The following FRMD4A variants were observed in gnomAD, a reference collection of about 807,000 sequenced individuals.
The protein encoded by FRMD4A is FERM domain-containing protein 4A.
Under a neutral mutation model 129.1 loss-of-function variants are expected in FRMD4A, and 29 were observed. The ratio of observed to expected loss-of-function variants is 0.22; its 90% CI spans 0.17 to 0.31. The LOEUF (loss-of-function observed/expected upper bound fraction) is 0.31, where lower values mean the gene tolerates loss of function less well. FRMD4A is among the 10% of genes least tolerant of loss of function. The pLI is 1.00. For synonymous variants in FRMD4A, 634 were observed against 571.6 expected (o/e 1.11, Z -1.56); for missense variants, 1,272 against 1,375.8 (o/e 0.92, Z 1.19).
intron 2 of FRMD4A, among the ~76,000 whole-genome samples, chr10:13,967,129 A>G (rs1041548981): frequency 7.2e-5 from 11 of 152,126 alleles, no homozygotes; most frequent in South Asian, 2.1e-4. Flanking sequence ...GAGGTCAGGA[A>G]ATTGAGACCA....
At chr10:13,759,441 C>A (rs1289787344) in intron 8 of FRMD4A, among the ~76,000 whole-genome samples, 1 of 152,164 alleles carries the variant, frequency 6.6e-6, no homozygotes, top group African/African-American at 2.4e-5. Flanking sequence ...TCATGCTATT[C>A]CCAGTTCACA....
intron 2 of FRMD4A, among the ~76,000 whole-genome samples, chr10:14,205,947 G>A (rs575733304): frequency 1.3e-5 from 2 of 152,102 alleles, no homozygotes; most frequent in Non-Finnish European, 2.9e-5. Context: ...GTCGTGGTAT[G>A]AGCCTCATTT....
intron 12 of FRMD4A, among the ~76,000 whole-genome samples, chr10:13,718,232 G>T (rs56068664): frequency 6.6e-6 from 1 of 152,280 alleles, no homozygotes; most frequent in Non-Finnish European, 1.5e-5. Context: ...GAAGGTGCCA[G>T]GGAGTGAGGC....
At chr10:13,712,408 G>C (rs1042881700) in intron 12 of FRMD4A, among the ~76,000 whole-genome samples, 2 of 152,066 alleles carry the variant, frequency 1.3e-5, no homozygotes, top group African/African-American at 4.8e-5. Context: ...TAACTACTCC[G>C]GAGGCTGAGG....
At chr10:13,859,271 C>T (rs912132372) in intron 2 of FRMD4A, among the ~76,000 whole-genome samples, 4 of 152,068 alleles carry the variant, frequency 2.6e-5, no homozygotes, top group Non-Finnish European at 4.4e-5. Context: ...GTAATCCCAG[C>T]TACTTGGGAG....
chr10:14,313,016 T>TA (rs1360128960), intron 2 of FRMD4A, among the ~76,000 whole-genome samples: 5 of 152,178 alleles, frequency 3.3e-5, no homozygotes, highest in African/African-American at 1.2e-4. Flanking sequence ...TTTTAATGTA[T>TA]AACCCTTTGT....
intron 2 of FRMD4A, among the ~76,000 whole-genome samples, chr10:13,883,074 G>A (rs1233217971): frequency 2.6e-5 from 4 of 152,100 alleles, no homozygotes; most frequent in African/African-American, 9.7e-5. Flanking sequence ...AAAGTGCTGG[G>A]ATTACAGGCA....
chr10:14,010,883 T>C (rs1199461980), intron 2 of FRMD4A, among the ~76,000 whole-genome samples: 1 of 152,174 alleles, frequency 6.6e-6, no homozygotes, highest in Non-Finnish European at 1.5e-5. Context: ...CTCACAGTTA[T>C]GACCACTTTA....
chr10:13,660,610 G>T, intron 19 of FRMD4A, 57 bp from the exon 20 acceptor site: 1 of 1,105,902 alleles, frequency 9.0e-7, no homozygotes, highest in Non-Finnish European at 1.3e-6. Flanking sequence ...CACAGGCTGA[G>T]ACAGAACCCC....
At chr10:14,132,827 A>G (rs1427517991) in intron 2 of FRMD4A, among the ~76,000 whole-genome samples, 1 of 152,304 alleles carries the variant, frequency 6.6e-6, no homozygotes, top group East Asian at 1.9e-4. Context: ...CGATGAATGG[A>G]GAGAAACTAT....
At position 13,890,823 on chromosome 10, in the gene FRMD4A, AGGAT is replaced by A. The variant is rs1449027468; in HGVS notation, c.46-31915_46-31912del. ...TGGCATGGCTGCATCGTTCAGAATG[AGGAT>A]GTCTATTAAGAAGCCGTCGCCAGAG... On this transcript the variant is annotated intron_variant, in intron 2 of 24. Transcript: ENST00000357447. 4.1e-6 allele frequency: 4 copies of A among 985,186 alleles called. No individual in the cohort carries two copies. The African/African-American group carries it at 7.0e-5, about 17-fold the overall frequency. The allele number at this position is 985,186 out of a possible 1,614,324, so 61.0% of individuals were successfully genotyped here. A position where few individuals can be genotyped will look rare whatever the true frequency, so the allele number is the denominator to read the frequency against.
intron 2 of FRMD4A, among the ~76,000 whole-genome samples, chr10:14,266,413 C>A (rs1025644661): frequency 1.3e-5 from 2 of 152,010 alleles, no homozygotes; most frequent in African/African-American, 4.8e-5. Context: ...ATAATATTTT[C>A]TGTTACAGTG....
At chr10:14,104,341 C>T (rs1314998401) in intron 2 of FRMD4A, among the ~76,000 whole-genome samples, 1 of 152,246 alleles carries the variant, frequency 6.6e-6, no homozygotes, top group Admixed American at 6.5e-5. Flanking sequence ...GGTTACACTG[C>T]CATTGAGGTC....
chr10:13,971,609 C>T, intron 2 of FRMD4A: 1 of 1,134,318 alleles, frequency 8.8e-7, no homozygotes, highest in Non-Finnish European at 1.2e-6. Flanking sequence ...CATTCACCAC[C>T]ACTTTCCCAT....
intron 2 of FRMD4A, among the ~76,000 whole-genome samples, chr10:14,086,606 T>C (rs962937919): frequency 6.6e-6 from 1 of 152,206 alleles, no homozygotes; most frequent in Non-Finnish European, 1.5e-5. Flanking sequence ...ACAATGACTA[T>C]ATTGCCATTT....
chr10:13,732,795 A>T (rs1344351830), intron 12 of FRMD4A, among the ~76,000 whole-genome samples: 1 of 152,286 alleles, frequency 6.6e-6, no homozygotes, highest in South Asian at 2.1e-4. Flanking sequence ...AGGCCCATGC[A>T]TGGGACCTCC....
chr10:13,916,071 C>T (rs866633809), intron 2 of FRMD4A, among the ~76,000 whole-genome samples: 16 of 152,222 alleles, frequency 1.1e-4, no homozygotes, highest in South Asian at 2.1e-4. Context: ...ATGGCACTGA[C>T]GGCAGGTCAA....
chr10:13,720,821 G>A (rs1419149731), intron 12 of FRMD4A, among the ~76,000 whole-genome samples: 1 of 152,152 alleles, frequency 6.6e-6, no homozygotes, highest in East Asian at 1.9e-4. Flanking sequence ...TCATTTGTGT[G>A]TTTGTGTTTG....
At chr10:14,001,689 A>G (rs1449056859) in intron 2 of FRMD4A, among the ~76,000 whole-genome samples, 1 of 152,228 alleles carries the variant, frequency 6.6e-6, no homozygotes, top group African/African-American at 2.4e-5. Context: ...AATGGCCTTC[A>G]ATGCATTCTA....
Sources: allele counts gnomAD v4.1 joint callset (sites outside exome capture counted in the v4.1 genomes callset), GRCh38; gene constraint gnomAD v4.1.1; transcripts MANE v1.5; gene names NCBI Gene and HGNC (gene_info 2026-07-23, HGNC 2026-07-21).